The following PPFIA2 variants were observed in gnomAD, a reference collection of about 807,000 sequenced individuals.
The protein encoded by PPFIA2 is liprin-alpha-2.
Under a neutral mutation model 175.5 loss-of-function variants are expected in PPFIA2, and 46 were observed. That is an observed-to-expected ratio of 0.26 (90% CI 0.21 to 0.34). PPFIA2 has a LOEUF of 0.34. Among genes scored for constraint, PPFIA2 ranks in the 10% least tolerant of loss-of-function variants. The pLI is 1.00. For missense variants in PPFIA2, 1,179 were observed against 1,506.1 expected (o/e 0.78, Z 3.60); for synonymous variants, 568 against 511.4 (o/e 1.11, Z -1.49).
At chr12:81,730,841 G>C (rs900037534) in intron 3 of PPFIA2, among the ~76,000 whole-genome samples, 1 of 151,414 alleles carries the variant, frequency 6.6e-6, no homozygotes, top group Non-Finnish European at 1.5e-5. Context: ...CAGGGTAATA[G>C]TTGTTTATAT....
intron 22 of PPFIA2, among the ~76,000 whole-genome samples, chr12:81,304,640 A>G (rs2048700984): frequency 6.6e-6 from 1 of 152,156 alleles, no homozygotes; most frequent in Non-Finnish European, 1.5e-5. Flanking sequence ...AACATAGTAT[A>G]AAATTCCTAT....
At chr12:81,535,439 T>A (rs2065236713) in intron 4 of PPFIA2, 1 of 455,346 alleles carries the variant, frequency 2.2e-6, no homozygotes, top group African/African-American at 2.0e-5. Context: ...CAGTGGACAC[T>A]AGGTCATGAT....
chr12:81,634,327 T>C (rs1306386711), intron 4 of PPFIA2, among the ~76,000 whole-genome samples: 2 of 151,922 alleles, frequency 1.3e-5, no homozygotes, highest in African/African-American at 4.8e-5. Flanking sequence ...CCTATTTTTG[T>C]AATGAAACGA....
chr12:81,430,438 TTAAGTA>T (rs1226562384), intron 7 of PPFIA2: 4 of 152,070 alleles, frequency 2.6e-5, no homozygotes, highest in African/African-American at 4.8e-5. Context: ...CAGTGACCTC[TTAAGTA>T]TAAGTGAAAT....
intron 3 of PPFIA2, among the ~76,000 whole-genome samples, chr12:81,727,809 A>G (rs1329102988): frequency 2.0e-5 from 3 of 151,502 alleles, no homozygotes; most frequent in African/African-American, 7.2e-5. Flanking sequence ...AGAAAAATCA[A>G]TTTAGGCTTA....
At chr12:81,448,521 C>T (rs1280339894) in intron 5 of PPFIA2, among the ~76,000 whole-genome samples, 1 of 152,168 alleles carries the variant, frequency 6.6e-6, no homozygotes, top group African/African-American at 2.4e-5. Flanking sequence ...TTAATGTCTT[C>T]TTATTGAGCT....
chr12:81,460,535 C>T (rs1404267907), intron 4 of PPFIA2, among the ~76,000 whole-genome samples: 1 of 152,014 alleles, frequency 6.6e-6, no homozygotes, highest in East Asian at 1.9e-4. Flanking sequence ...TATAGTATAC[C>T]TTCCACACAG....
intron 18 of PPFIA2, among the ~76,000 whole-genome samples, chr12:81,345,499 A>C (rs145780128): frequency 6.6e-6 from 1 of 151,814 alleles, no homozygotes; most frequent in Non-Finnish European, 1.5e-5. Context: ...TCTGTCTCTC[A>C]CACACACACA....
At chr12:81,300,883 A>G (rs554864044) in intron 22 of PPFIA2, among the ~76,000 whole-genome samples, 2 of 152,272 alleles carry the variant, frequency 1.3e-5, no homozygotes, top group Admixed American at 1.3e-4. Flanking sequence ...TTGTGGACTG[A>G]GACTTGTGTT....
chr12:81,340,089 T>A (rs2057797108), intron 20 of PPFIA2, among the ~76,000 whole-genome samples: 1 of 152,122 alleles, frequency 6.6e-6, no homozygotes, highest in African/African-American at 2.4e-5. Context: ...TACTTACTTT[T>A]ACTTACTCAT....
At chr12:81,615,093 T>C (rs879708448) in intron 4 of PPFIA2, among the ~76,000 whole-genome samples, 19 of 152,226 alleles carry the variant, frequency 1.2e-4, no homozygotes, top group Non-Finnish European at 2.5e-4. Context: ...GGCTATCTGA[T>C]TAAGTCTTTA....
At chr12:81,678,596 T>C (rs1205093691) in intron 3 of PPFIA2, among the ~76,000 whole-genome samples, 2 of 151,912 alleles carry the variant, frequency 1.3e-5, no homozygotes, top group South Asian at 2.1e-4. Context: ...ATATATTTTT[T>C]CTCTACCCAG....
Position 81,369,561 on chromosome 12 carries a change from T to C in PPFIA2, c.1267-367A>G. 6.1e-6 allele frequency: 4 copies of C among 659,780 alleles called. No homozygotes were observed. In the South Asian group the frequency reaches 1.2e-4, roughly 20 times the overall value. The allele number at this position is 659,780 out of a possible 1,614,324, so 40.9% of individuals were successfully genotyped here. ...ATAAAAGTAACATAATTTTTATAAA[T>C]GAAAAGAAAAACTTAGATGGATTCT... On this transcript the variant is annotated intron_variant, in intron 11 of 32. Coordinates refer to ENST00000549396, the MANE Select transcript of PPFIA2 (RefSeq NM_003625.5).
chr12:81,739,931 C>A (rs769359906), intron 3 of PPFIA2, among the ~76,000 whole-genome samples: 1 of 152,028 alleles, frequency 6.6e-6, no homozygotes, highest in African/African-American at 2.4e-5. Context: ...TTAGGAATAA[C>A]TATTAGTCTT....
chr12:81,533,118 T>C (rs562486556), intron 4 of PPFIA2, among the ~76,000 whole-genome samples: 3 of 151,792 alleles, frequency 2.0e-5, no homozygotes, highest in South Asian at 4.1e-4. Flanking sequence ...GTTACCAATA[T>C]CTTGGTAGAA....
chr12:81,572,626 G>A (rs1179141063), intron 4 of PPFIA2, among the ~76,000 whole-genome samples: 1 of 151,840 alleles, frequency 6.6e-6, no homozygotes, highest in Non-Finnish European at 1.5e-5. Flanking sequence ...GCTTTCTTTT[G>A]TGCAAACTAA....
intron 4 of PPFIA2, among the ~76,000 whole-genome samples, chr12:81,521,561 G>T (rs1292359854): frequency 2.0e-5 from 3 of 150,912 alleles, no homozygotes; most frequent in Non-Finnish European, 2.9e-5. Context: ...TGTTAAAATC[G>T]TTGCCCAGCA....
chr12:81,528,692 G>T (rs1029014409), intron 4 of PPFIA2, among the ~76,000 whole-genome samples: 1 of 152,016 alleles, frequency 6.6e-6, no homozygotes, highest in African/African-American at 2.4e-5. Flanking sequence ...CAAATGTGTT[G>T]TGAAAAGCAT....
rs143282435 is a variant in PPFIA2 at position 81,324,588 on chromosome 12, C to T, written c.2642+1189G>A. Among the ~76,000 whole-genome samples the T allele has an allele frequency of 2.1e-3, 317 of 151,860 alleles. 4 individuals are homozygous for T. In the East Asian group the frequency reaches 0.054, roughly 26 times the overall value. On this transcript the variant is annotated intron_variant, in intron 22 of 32. Transcript: ENST00000549396. Reference sequence around the variant, plus strand: ...AAGTATTTTTTAGAAGAATGTTTTTCTCAATAAATAGTCACGAAATAGAGT... The same window carrying T: ...AAGTATTTTTTAGAAGAATGTTTTTTTCAATAAATAGTCACGAAATAGAGT...
Sources: gnomAD v4.1 joint callset for allele counts (sites outside exome capture counted in the v4.1 genomes callset) on GRCh38, gnomAD v4.1.1 for gene constraint, MANE v1.5 for transcripts, NCBI Gene and HGNC (gene_info 2026-07-23, HGNC 2026-07-21) for gene names.